MED11: variants seen among roughly 807,000 people sequenced by gnomAD.
MED11 encodes the protein mediator of RNA polymerase II transcription subunit 11.
A neutral mutation model predicts 13.9 loss-of-function variants in MED11; 19 were observed. That is an observed-to-expected ratio of 1.36 (90% CI 0.95 to 2.00). The LOEUF (loss-of-function observed/expected upper bound fraction) is 2.00, where lower values mean the gene tolerates loss of function less well. Ranked by LOEUF, MED11 falls within the 30% of genes most tolerant of loss-of-function variation. The pLI is 0.00. For missense variants in MED11, 134 were observed against 150.2 expected, an observed-to-expected ratio of 0.89 and a Z score of 0.56; for synonymous variants, 67 against 62.1, an observed-to-expected ratio of 1.08 and a Z score of -0.37.
rs752070982 is a variant in MED11 at position 4,731,797 on chromosome 17, C to T, written c.107C>T (p.Ser36Phe). Residue 36 changes from serine to phenylalanine, a missense_variant, in exon 2 of 3, where the codon TCC (serine) becomes TTC (phenylalanine). By Grantham distance (155) the Ser-to-Phe change is radical (BLOSUM62 -2). Coordinates refer to ENST00000293777, the MANE Select transcript of MED11 (RefSeq NM_001001683.4). The stretch of plus-strand genomic sequence containing the variant: ...GCAGGTACTGTGATCCTAGAATTGT[C>T]CAAGGAAAAAACTAACGAGCGGCTC... ...QNAGTVILEL[S>F]KEKTNERLLD... The T allele has an allele frequency of 8.1e-6, 13 of 1,613,990 alleles. No individual in the cohort carries two copies. Among genetic ancestry groups the T allele is most frequent in the Non-Finnish European group, 1.1e-5 (13 of 1,179,998 alleles).
intron 2 of MED11, among the ~76,000 whole-genome samples, chr17:4,732,734 G>A (rs1028877435): frequency 1.9e-4 from 29 of 152,132 alleles, no homozygotes; most frequent in South Asian, 6.2e-4. Context: ...CAGGCCACGA[G>A]GTCCCAAATC....
At chr17:4,732,268 A>G (rs905309865) in intron 2 of MED11, 1 of 258,766 alleles carries the variant, frequency 3.9e-6, no homozygotes. Flanking sequence ...TACTAAAAAT[A>G]CAAAAATTAG....
rs2150615764 is a variant in MED11, at chr17:4,732,085, C to G, written c.216+179C>G. The G allele has an allele frequency of 7.6e-6, 5 of 660,960 alleles. No homozygotes were observed. The East Asian group carries it at 1.4e-4, about 19-fold the overall frequency. The allele number at this position is 660,960 out of a possible 1,614,324, so 40.9% of individuals were successfully genotyped here. On this transcript the variant is annotated intron_variant, in intron 2 of 2. Transcript: ENST00000293777. ...CCGGGCGCAGTGGCTTGACAGAGTT[C>G]GAGACCAGCCTGGCCAACACGGTGA...
chr17:4,733,275 G>T lies in MED11; in HGVS notation c.*88G>T. 3 of 1,496,894 alleles carry T rather than the reference G, an allele frequency of 2.0e-6. No homozygotes were observed. Among genetic ancestry groups the T allele is most frequent in the Non-Finnish European group, 1.8e-6 (2 of 1,097,086 alleles). The allele number at this position is 1,496,894 out of a possible 1,614,324, so 92.7% of individuals were successfully genotyped here. ...GGAACATGTAGGGTGGGGAGTATGA[G>T]CACCAACATACCCTGCTGGTCAAAG... On this transcript the variant is annotated 3_prime_UTR_variant, in exon 3 of 3. Coordinates refer to ENST00000293777, the MANE Select transcript of MED11 (RefSeq NM_001001683.4).
rs533624750 is a variant in MED11, at chr17:4,733,334, GA to G, written c.*152del. 730 of 1,050,818 alleles carry G rather than the reference GA, an allele frequency of 6.9e-4. 9 individuals are homozygous for G. In the South Asian group the frequency reaches 0.011, roughly 16 times the overall value. The allele number at this position is 1,050,818 out of a possible 1,614,324, so 65.1% of individuals were successfully genotyped here. On this transcript the variant is annotated 3_prime_UTR_variant, in exon 3 of 3. Coordinates refer to ENST00000293777, the MANE Select transcript of MED11 (RefSeq NM_001001683.4). ...GACAAAGGGGCAAATGGTGGGCATG[GA>G]AAAACTGAAGCCCGAGCCTGCCCAC...
chr17:4,731,604 G>A (rs377029924), intron 1 of MED11, 30 bp downstream of exon 1: 3 of 1,613,768 alleles, frequency 1.9e-6, no homozygotes, highest in Middle Eastern at 1.7e-4. Flanking sequence ...GGACAGCGGG[G>A]AGCGAAAGCG....
chr17:4,731,873 G>A lies in MED11; in HGVS notation c.183G>A (p.Ala61=). Residue 61 remains alanine (A), a synonymous_variant, in exon 2 of 3, where the codon GCG becomes GCA. Transcript: ENST00000293777. ...CCGCTTCAGTGCAACACGTGGAGGC[G>A]GAGCTGTCAGCTCAGATCCGCTACC... The part of the protein sequence containing the change: ...AFTASVQHVE[A]ELSAQIRYLT... 6.2e-7 allele frequency: 1 copy of A among 1,614,046 alleles called. No individual in the cohort carries two copies. Among genetic ancestry groups the A allele is most frequent in the East Asian group, 2.2e-5 (1 of 44,884 alleles).
chr17:4,731,579 G>T lies in MED11; in HGVS notation c.85+5G>T. 2 of 1,614,132 alleles carry T rather than the reference G, an allele frequency of 1.2e-6. No individual in the cohort carries two copies. The highest frequency in any genetic ancestry group is 1.7e-6 in the Non-Finnish European group (2 of 1,179,986). On this transcript the variant is annotated splice_donor_5th_base_variant and intron_variant, in intron 1 of 2. Coordinates refer to ENST00000293777, the MANE Select transcript of MED11 (RefSeq NM_001001683.4). ...GCGCCATCCTTCAGAATGCAGGTTCGGGATGCGACAACCTGGACAGCGGGG... is the reference window on the plus strand; with the variant it reads ...GCGCCATCCTTCAGAATGCAGGTTCTGGATGCGACAACCTGGACAGCGGGG...
chr17:4,731,655 A>T (rs749879715), intron 1 of MED11, 81 bp downstream of exon 1: 23 of 1,607,596 alleles, frequency 1.4e-5, no homozygotes, highest in Non-Finnish European at 1.9e-5. Flanking sequence ...GACTTGGAGC[A>T]GGGTTGGGGA....
In MED11 at chr17:4,733,282, C is replaced by G; in HGVS notation, c.*95C>G. ...GTAGGGTGGGGAGTATGAGCACCAA[C>G]ATACCCTGCTGGTCAAAGTACCCTA... On this transcript the variant is annotated 3_prime_UTR_variant, in exon 3 of 3. Transcript: ENST00000293777. 2 of 1,467,634 alleles carry G rather than the reference C, an allele frequency of 1.4e-6. No homozygotes were observed. The highest frequency in any genetic ancestry group is 1.9e-6 in the Non-Finnish European group (2 of 1,078,714). 90.9% of individuals were successfully genotyped at this position (1,467,634 alleles called of 1,614,324 possible).
At chr17:4,731,618 C>A in intron 1 of MED11, 44 bp downstream of exon 1, 21 of 1,611,764 alleles carry the variant, frequency 1.3e-5, no homozygotes, top group Non-Finnish European at 1.7e-5. Context: ...GAAAGCGTGA[C>A]CGGGCTGCAC....
Position 4,733,296 on chromosome 17 carries a change from C to A in MED11, c.*109C>A. Reference sequence around the variant, plus strand: ...ATGAGCACCAACATACCCTGCTGGTCAAAGTACCCTAGGACAAAGGGGCAA... The same window carrying A: ...ATGAGCACCAACATACCCTGCTGGTAAAAGTACCCTAGGACAAAGGGGCAA... On this transcript the variant is annotated 3_prime_UTR_variant, in exon 3 of 3. Coordinates refer to ENST00000293777, the MANE Select transcript of MED11 (RefSeq NM_001001683.4). 1.5e-6 allele frequency: 2 copies of A among 1,370,510 alleles called. No homozygotes were observed. The highest frequency in any genetic ancestry group is 2.2e-5 in the Admixed American group (1 of 45,570). 84.9% of individuals were successfully genotyped at this position (1,370,510 alleles called of 1,614,324 possible). A position where few individuals can be genotyped will look rare whatever the true frequency, so the allele number is the denominator to read the frequency against.
In MED11 at chr17:4,731,650, G is replaced by C. The variant is rs1266685555; in HGVS notation, c.85+76G>C. 5.0e-6 allele frequency: 8 copies of C among 1,610,080 alleles called. No individual in the cohort carries two copies. In the South Asian group the frequency reaches 7.7e-5, roughly 16 times the overall value. On this transcript the variant is annotated intron_variant, in intron 1 of 2. Transcript: ENST00000293777. ...GCACTGGCAGCCTGACCTGGGACTTGGAGCAGGGTTGGGGAGGGAATCCTA... is the reference window on the plus strand; with the variant it reads ...GCACTGGCAGCCTGACCTGGGACTTCGAGCAGGGTTGGGGAGGGAATCCTA...
At position 4,731,790 on chromosome 17, in the gene MED11, G is replaced by T; in HGVS notation, c.100G>T (p.Glu34Ter). The change falls in exon 2 of 3, where the codon GAA (glutamate) becomes TAA (stop). Residue 34 changes from glutamate to a stop codon, truncating the protein, a stop_gained. Coordinates refer to ENST00000293777, the MANE Select transcript of MED11 (RefSeq NM_001001683.4). LOFTEE classifies it high-confidence loss of function. ...CGCCCTGGCAGGTACTGTGATCCTA[G>T]AATTGTCCAAGGAAAAAACTAACGA... Reference protein sequence around the residue: ...ILQNAGTVILELSKEKTNERL... With the variant: ...ILQNAGTVIL 2.5e-6 allele frequency: 4 copies of T among 1,614,144 alleles called. No homozygotes were observed. The highest frequency in any genetic ancestry group is 3.4e-6 in the Non-Finnish European group (4 of 1,180,010).
At position 4,733,528 on chromosome 17, in the gene MED11, C is replaced by G. The variant is rs1916056881; in HGVS notation, c.*341C>G. On this transcript the variant is annotated 3_prime_UTR_variant, in exon 3 of 3. Coordinates refer to ENST00000293777, the MANE Select transcript of MED11 (RefSeq NM_001001683.4). ...CTTGGCCTAATGAAAATACATACTT[C>G]TTCATTCGGAGAGACAAAACAAGAA... The G allele has an allele frequency of 4.7e-6, 1 of 214,390 alleles. No homozygotes were observed. The highest frequency in any genetic ancestry group is 5.6e-5 in the Admixed American group (1 of 18,012). 13.3% of individuals were successfully genotyped at this position (214,390 alleles called of 1,614,324 possible). A position where few individuals can be genotyped will look rare whatever the true frequency, so the allele number is the denominator to read the frequency against.
At chr17:4,732,282 GGCTGGTAGCGGGCA>G (rs1916004109) in intron 2 of MED11, 1 of 222,454 alleles carries the variant, frequency 4.5e-6, no homozygotes, top group Non-Finnish European at 8.8e-6. Flanking sequence ...AAATTAGCTG[GGCTGGTAGCGGGCA>G]CCTGTAATCC....
chr17:4,732,463 C>CCAGCTACT (rs1567693433), intron 2 of MED11: 1 of 152,866 alleles, frequency 6.5e-6, no homozygotes, highest in Non-Finnish European at 1.4e-5. Flanking sequence ...ACCGGTAACC[C>CCAGCTACT]CAGCTACTTG....
Position 4,733,158 on chromosome 17 carries a change from C to A in MED11, c.325C>A (p.Arg109=). Residue 109 remains arginine, a synonymous_variant, in exon 3 of 3, where the codon CGA becomes AGA. Coordinates refer to ENST00000293777, the MANE Select transcript of MED11 (RefSeq NM_001001683.4). ...YARLKLSDVA[R]TCEQMLEN ...CCGCCTCAAGCTCAGTGATGTGGCT[C>A]GAACCTGTGAGCAGATGCTGGAGAA... 1 of 1,614,120 alleles carries A rather than the reference C, an allele frequency of 6.2e-7. No homozygotes were observed. Among genetic ancestry groups the A allele is most frequent in the East Asian group, 2.2e-5 (1 of 44,878 alleles).
Position 4,733,241 on chromosome 17 carries a change from C to T in MED11, c.*54C>T. 23 of 1,607,106 alleles carry T rather than the reference C, an allele frequency of 1.4e-5. No individual in the cohort carries two copies. The highest frequency in any genetic ancestry group is 2.0e-5 in the Non-Finnish European group (23 of 1,176,054). ...GGAGACCATCACCTGTGCCATGGGACAGAACCTGGGAACATGTAGGGTGGG... is the reference window on the plus strand; with the variant it reads ...GGAGACCATCACCTGTGCCATGGGATAGAACCTGGGAACATGTAGGGTGGG... On this transcript the variant is annotated 3_prime_UTR_variant, in exon 3 of 3. Coordinates refer to ENST00000293777, the MANE Select transcript of MED11 (RefSeq NM_001001683.4).
Sources: gnomAD v4.1 joint callset for allele counts (sites outside exome capture counted in the v4.1 genomes callset) on GRCh38, gnomAD v4.1.1 for gene constraint, MANE v1.5 for transcripts, NCBI Gene and HGNC (gene_info 2026-07-23, HGNC 2026-07-21) for gene names.